Variants in FMN1 observed in about 807,000 individuals in gnomAD.
FMN1 encodes the protein formin-1.
FMN1 carries 110 observed loss-of-function variants against 132.4 expected under a neutral mutation model. The ratio of observed to expected loss-of-function variants is 0.83; its 90% CI spans 0.71 to 0.97. FMN1 has a LOEUF of 0.97. FMN1 is among the 50% of genes least tolerant of loss of function. The probability of loss-of-function intolerance (pLI) is 0.00; values close to 1 mark genes in which losing one functional copy is unlikely to be tolerated. For synonymous variants in FMN1, 722 were observed against 651.7 expected, an observed-to-expected ratio of 1.11 and a Z score of -1.64; for missense variants, 1,792 against 1,705.3, an observed-to-expected ratio of 1.05 and a Z score of -0.90.
At chr15:32,950,066 T>TACAC (rs2061616370) in intron 9 of FMN1, among the ~76,000 whole-genome samples, 1 of 48,736 alleles carries the variant, frequency 2.1e-5, no homozygotes, top group Non-Finnish European at 4.7e-5. Context: ...TATATATATA[T>TACAC]ATATATATAT....
intron 19 of FMN1, among the ~76,000 whole-genome samples, chr15:32,783,497 A>C (rs2056738280): frequency 6.6e-6 from 1 of 152,134 alleles, no homozygotes; most frequent in Admixed American, 6.5e-5. Flanking sequence ...CTGTAATCCC[A>C]GCACTTTGGG....
intron 6 of FMN1, among the ~76,000 whole-genome samples, chr15:33,045,925 CTGG>C (rs2036659366): frequency 6.6e-6 from 1 of 152,144 alleles, no homozygotes. Context: ...TCCCAAAGTG[CTGG>C]GATTACAGGC....
chr15:33,173,393 C>G (rs111915089), intron 3 of FMN1, among the ~76,000 whole-genome samples: 1 of 152,176 alleles, frequency 6.6e-6, no homozygotes, highest in Admixed American at 6.5e-5. Flanking sequence ...TATGAGACCA[C>G]GAAACCAAGC....
intron 11 of FMN1, 91 bp downstream of exon 11, chr15:32,910,383 C>T (rs1425919745): frequency 9.4e-7 from 1 of 1,069,492 alleles, no homozygotes; most frequent in Non-Finnish European, 1.4e-6. Flanking sequence ...CACGTCAAAA[C>T]CCTTACTACC....
intron 17 of FMN1, among the ~76,000 whole-genome samples, chr15:32,843,835 T>C (rs568713368): frequency 1.3e-5 from 2 of 152,344 alleles, no homozygotes; most frequent in African/African-American, 4.8e-5. Context: ...CTTCTAAATG[T>C]TGAGCACTCA....
At chr15:32,848,588 A>G (rs2058918676) in intron 17 of FMN1, among the ~76,000 whole-genome samples, 1 of 152,210 alleles carries the variant, frequency 6.6e-6, no homozygotes, top group South Asian at 2.1e-4. Flanking sequence ...GACTGTGAGT[A>G]AGACCATTTG....
At chr15:33,048,125 G>A (rs1339990181) in intron 6 of FMN1, among the ~76,000 whole-genome samples, 1 of 98,728 alleles carries the variant, frequency 1.0e-5, no homozygotes, top group Non-Finnish European at 2.3e-5. Context: ...AAATAAAAAT[G>A]TCTTCAAAAT....
At chr15:33,117,417 G>C (rs1254756288) in intron 4 of FMN1, among the ~76,000 whole-genome samples, 1 of 152,176 alleles carries the variant, frequency 6.6e-6, no homozygotes, top group African/African-American at 2.4e-5. Flanking sequence ...CAGGGGCTGA[G>C]AGATTGACAA....
chr15:32,807,538 T>G (rs534776698), intron 17 of FMN1, among the ~76,000 whole-genome samples: 120 of 152,356 alleles, frequency 7.9e-4, no homozygotes, highest in Non-Finnish European at 1.6e-3. Flanking sequence ...GTGATCTTCT[T>G]GGACCAGCTC....
At chr15:33,112,258 G>A (rs550599004) in intron 4 of FMN1, among the ~76,000 whole-genome samples, 4 of 151,342 alleles carry the variant, frequency 2.6e-5, no homozygotes, top group African/African-American at 9.7e-5. Flanking sequence ...ATAAACATTA[G>A]AAGTTTGAAA....
chr15:33,128,632 G>C (rs1595540049), intron 4 of FMN1, among the ~76,000 whole-genome samples: 1 of 152,204 alleles, frequency 6.6e-6, no homozygotes, highest in Non-Finnish European at 1.5e-5. Flanking sequence ...AAGTGTTACA[G>C]CTCTTAAAGA....
At chr15:33,149,028 T>C (rs1227241487) in intron 4 of FMN1, among the ~76,000 whole-genome samples, 2 of 142,452 alleles carry the variant, frequency 1.4e-5, no homozygotes, top group Admixed American at 7.6e-5. Context: ...AAAATAAAAG[T>C]AGTTAAATCA....
intron 6 of FMN1, chr15:33,012,826 G>A: frequency 1.6e-6 from 1 of 639,416 alleles, no homozygotes; most frequent in Non-Finnish European, 2.9e-6. Context: ...TGGAGGATAT[G>A]GTAGCAGTGG....
chr15:32,878,057 G>A (rs139334694), intron 16 of FMN1, among the ~76,000 whole-genome samples: 20 of 152,278 alleles, frequency 1.3e-4, no homozygotes, highest in Non-Finnish European at 2.6e-4. Flanking sequence ...TATGAAAAAC[G>A]AAGGCTGTAA....
intron 6 of FMN1, among the ~76,000 whole-genome samples, chr15:33,054,074 GGT>G (rs1260857633): frequency 6.6e-6 from 1 of 152,048 alleles, no homozygotes; most frequent in Non-Finnish European, 1.5e-5. Context: ...TGAACCTTCC[GGT>G]GTCCAACCCC....
chr15:32,789,819 T>G (rs550260200), intron 19 of FMN1, among the ~76,000 whole-genome samples: 1 of 152,160 alleles, frequency 6.6e-6, no homozygotes, highest in African/African-American at 2.4e-5. Flanking sequence ...CTTTTCTGTG[T>G]TTAGATATGT....
chr15:32,995,655 T>C (rs773112167), intron 7 of FMN1, among the ~76,000 whole-genome samples: 1 of 152,208 alleles, frequency 6.6e-6, no homozygotes, highest in African/African-American at 2.4e-5. Flanking sequence ...ATTTGACACG[T>C]GCTCAATTGG....
intron 10 of FMN1, among the ~76,000 whole-genome samples, chr15:32,914,166 C>A (rs774009675): frequency 6.6e-6 from 1 of 152,108 alleles, no homozygotes; most frequent in African/African-American, 2.4e-5. Context: ...AGGAAAATAT[C>A]TTTCCTTATT....
At chr15:32,820,806 A>AC (rs2058191237) in intron 17 of FMN1, among the ~76,000 whole-genome samples, 1 of 152,158 alleles carries the variant, frequency 6.6e-6, no homozygotes, top group African/African-American at 2.4e-5. Flanking sequence ...TTGGTTAAAT[A>AC]TTTTGCAAAT....
Sources: gnomAD v4.1 joint callset for allele counts (sites outside exome capture counted in the v4.1 genomes callset) on GRCh38, gnomAD v4.1.1 for gene constraint, MANE v1.5 for transcripts, NCBI Gene and HGNC (gene_info 2026-07-23, HGNC 2026-07-21) for gene names.